KIAA1549: variants seen among roughly 807,000 people sequenced by gnomAD.
KIAA1549 encodes the protein UPF0606 protein KIAA1549.
KIAA1549 carries 70 observed loss-of-function variants against 156.4 expected under a neutral mutation model. The observed-to-expected ratio is 0.45, with a 90% CI of 0.37 to 0.55. KIAA1549 has a LOEUF of 0.55. Among genes scored for constraint, KIAA1549 ranks in the 20% least tolerant of loss-of-function variants. The probability of loss-of-function intolerance (pLI) is 0.00; values close to 1 mark genes in which losing one functional copy is unlikely to be tolerated. For synonymous variants in KIAA1549, 1,103 were observed against 1,066.4 expected, an observed-to-expected ratio of 1.03 and a Z score of -0.67; for missense variants, 2,428 against 2,540.9, an observed-to-expected ratio of 0.96 and a Z score of 0.96.
At chr7:138,934,484 G>C (rs1301454124) in intron 1 of KIAA1549, among the ~76,000 whole-genome samples, 2 of 151,564 alleles carry the variant, frequency 1.3e-5, no homozygotes, top group Non-Finnish European at 2.9e-5. Context: ...AGTACACCAA[G>C]AGAGCGGAGA....
intron 1 of KIAA1549, among the ~76,000 whole-genome samples, chr7:138,967,142 A>G (rs1786697135): frequency 6.6e-6 from 1 of 152,254 alleles, no homozygotes; most frequent in African/African-American, 2.4e-5. Flanking sequence ...GTGCCTGCAC[A>G]GAGCAGGCAA....
intron 18 of KIAA1549, among the ~76,000 whole-genome samples, chr7:138,840,652 A>G (rs1809888871): frequency 6.6e-6 from 1 of 151,988 alleles, no homozygotes; most frequent in Admixed American, 6.5e-5. Context: ...CGCCCTCCCC[A>G]TTTCCACCCA....
Position 138,981,242 on chromosome 7 carries a change from C to CTCGGCG in KIAA1549, c.22_27dup (p.Arg8_Arg9dup). 1 of 985,524 alleles carries CTCGGCG rather than the reference C, an allele frequency of 1.0e-6. No individual in the cohort carries two copies. The highest frequency in any genetic ancestry group is 1.2e-6 in the Non-Finnish European group (1 of 831,440). The allele number at this position is 985,524 out of a possible 1,614,324, so 61.0% of individuals were successfully genotyped here. ...CGGGGCTTCCCCTCCATGGCCGCGC[C>CTCGGCG]TCGGCGTCGGCGCCGCGCCCCCGGC... On this transcript the variant is annotated inframe_insertion, in exon 1 of 20. Transcript: ENST00000422774. This position sits in a 1 kb window ranked among gnomAD's most constrained non-coding sequence, Gnocchi z 4.5.
chr7:138,940,166 C>T (rs574084125), intron 1 of KIAA1549, among the ~76,000 whole-genome samples: 1 of 151,846 alleles, frequency 6.6e-6, no homozygotes, highest in South Asian at 2.1e-4. Flanking sequence ...CCTCCCCGCT[C>T]CCCCCACCCC....
chr7:138,968,605 T>TG (rs1814113825), intron 1 of KIAA1549, among the ~76,000 whole-genome samples: 1 of 151,498 alleles, frequency 6.6e-6, no homozygotes, highest in African/African-American at 2.4e-5. Flanking sequence ...CCCAGCACTT[T>TG]GGGAGGCCGA....
At chr7:138,861,101 T>A (rs762265584) in intron 16 of KIAA1549, 38 bp downstream of exon 16, 2 of 1,603,068 alleles carry the variant, frequency 1.2e-6, no homozygotes, top group African/African-American at 1.3e-5. Flanking sequence ...AGCTTCAACA[T>A]CTTGCCCATC....
intron 4 of KIAA1549, among the ~76,000 whole-genome samples, chr7:138,909,598 C>T (rs746547571): frequency 8.5e-5 from 13 of 152,152 alleles, no homozygotes; most frequent in Non-Finnish European, 1.8e-4. Flanking sequence ...ACTCTCTCTA[C>T]TTTTGTAAAT....
intron 1 of KIAA1549, among the ~76,000 whole-genome samples, chr7:138,944,121 A>T (rs1398153038): frequency 6.6e-6 from 1 of 151,252 alleles, no homozygotes; most frequent in Non-Finnish European, 1.5e-5. Flanking sequence ...ATTACCATAT[A>T]CTGTTATTAA....
Position 138,918,163 on chromosome 7 carries a change from C to T in KIAA1549, c.1463G>A (p.Arg488Lys). 2 of 1,613,856 alleles carry T rather than the reference C, an allele frequency of 1.2e-6. No homozygotes were observed. Among genetic ancestry groups the T allele is most frequent in the Non-Finnish European group, 1.7e-6 (2 of 1,179,822 alleles). Residue 488 changes from arginine to lysine, a missense_variant, in exon 2 of 20, where the codon AGA (arginine) becomes AAA (lysine). This residue lies in a region of KIAA1549 where 893 missense variants were observed against 847.9 expected (regional missense o/e 1.05). Coordinates refer to ENST00000422774, the MANE Select transcript of KIAA1549 (RefSeq NM_001164665.2). The surrounding 1 kb of genome is among the most constrained non-coding windows in gnomAD (Gnocchi z 4.2). The part of the protein sequence containing the change: ...PQVFNTLFPS[R>K]PIVPLSSRSM... The stretch of plus-strand genomic sequence containing the variant: ...TCTAGAAGAAAGTGGGACGATAGGT[C>T]TGGAGGGGAAAAGCGTATTAAATAC...
chr7:138,962,894 C>T (rs1187433721), intron 1 of KIAA1549, among the ~76,000 whole-genome samples: 2 of 152,210 alleles, frequency 1.3e-5, no homozygotes, highest in Non-Finnish European at 2.9e-5. Context: ...AAACATCCCC[C>T]ACAGTTCTGC....
chr7:138,929,100 T>G (rs1049369823), intron 1 of KIAA1549, among the ~76,000 whole-genome samples: 1 of 152,226 alleles, frequency 6.6e-6, no homozygotes, highest in African/African-American at 2.4e-5. Context: ...CAATGAAGTT[T>G]GCCTCATCAA....
At chr7:138,960,412 G>A (rs896564625) in intron 1 of KIAA1549, among the ~76,000 whole-genome samples, 2 of 150,968 alleles carry the variant, frequency 1.3e-5, no homozygotes, top group Non-Finnish European at 2.9e-5. Context: ...CGGTTCAAGC[G>A]ATTCTCCTGC....
At position 138,834,137 on chromosome 7, in the gene KIAA1549, C is replaced by G. The variant is rs954928646; in HGVS notation, c.*3769G>C. 4.7e-6 allele frequency: 1 copy of G among 212,748 alleles called. No individual in the cohort carries two copies. Among genetic ancestry groups the G allele is most frequent in the South Asian group, 1.9e-4 (1 of 5,354 alleles). The allele number at this position is 212,748 out of a possible 1,614,324, so 13.2% of individuals were successfully genotyped here. On this transcript the variant is annotated 3_prime_UTR_variant, in exon 20 of 20. Coordinates refer to ENST00000422774, the MANE Select transcript of KIAA1549 (RefSeq NM_001164665.2). ...CCAAACATGCAACTTCTTCTGGGTG[C>G]CTAATTCATTTATGTCTTTTGAACA...
intron 1 of KIAA1549, among the ~76,000 whole-genome samples, chr7:138,976,489 TGA>T (rs1814383373): frequency 6.6e-6 from 1 of 152,218 alleles, no homozygotes; most frequent in South Asian, 2.1e-4. Flanking sequence ...GAAGATATTT[TGA>T]GATATTCTGA....
chr7:138,972,791 C>T (rs1053615701), intron 1 of KIAA1549, among the ~76,000 whole-genome samples: 2 of 152,092 alleles, frequency 1.3e-5, no homozygotes, highest in African/African-American at 4.8e-5. Flanking sequence ...CTTCCTTCTA[C>T]TTCCTTAAAT....
rs767468047 is a variant in KIAA1549 at position 138,871,201 on chromosome 7, A to C, written c.4507T>G (p.Ser1503Ala). 6.2e-7 allele frequency: 1 copy of C among 1,613,178 alleles called. No homozygotes were observed. Among genetic ancestry groups the C allele is most frequent in the South Asian group, 1.1e-5 (1 of 91,076 alleles). ...CTTTCCGCCACTCGGTCGGCTGGGG[A>C]GGGGCGCTGGACGGGAGGTGCCGGG... is the stretch of plus-strand genomic sequence containing the variant. ...PIPAPPVQRP[S>A]PADRVAESNK... Residue 1503 changes from serine (S) to alanine (A), a missense_variant, in exon 13 of 20, where the codon TCC becomes GCC. Ser to Ala is a moderately conservative substitution (Grantham distance 99). Around this residue, in one of 5 missense-constraint regions of KIAA1549, gnomAD observed 404 missense variants for 417.0 expected, o/e 0.97. Coordinates refer to ENST00000422774, the MANE Select transcript of KIAA1549 (RefSeq NM_001164665.2).
At chr7:138,970,220 G>C (rs1169226781) in intron 1 of KIAA1549, among the ~76,000 whole-genome samples, 2 of 152,150 alleles carry the variant, frequency 1.3e-5, no homozygotes, top group Non-Finnish European at 2.9e-5. Context: ...GGTTGCTTCT[G>C]CCTCCATCTC....
In KIAA1549 at chr7:138,903,837, GT is replaced by G. The variant is rs1314781319; in HGVS notation, c.3521-102del. Reference sequence around the variant, plus strand: ...TGTGTGTGTGTGTGTGTGTGTGTGTGTGTGTGTGTGTGTGTGCGCGCGCGCG... The same window carrying G: ...TGTGTGTGTGTGTGTGTGTGTGTGTGGTGTGTGTGTGTGTGCGCGCGCGCG... On this transcript the variant is annotated intron_variant, in intron 7 of 19. Transcript: ENST00000422774. 9.0e-6 allele frequency: 5 copies of G among 555,244 alleles called. No homozygotes were observed. The East Asian group carries it at 1.4e-4, about 16-fold the overall frequency. 34.4% of individuals were successfully genotyped at this position (555,244 alleles called of 1,614,324 possible).
At chr7:138,899,324 T>C (rs1008700055) in intron 8 of KIAA1549, among the ~76,000 whole-genome samples, 192 bp from the exon 9 acceptor site, 3 of 152,092 alleles carry the variant, frequency 2.0e-5, no homozygotes, top group South Asian at 2.1e-4. Flanking sequence ...GGGAGTTCCT[T>C]TGTGTGGAGT....
Sources: allele counts gnomAD v4.1 joint callset (sites outside exome capture counted in the v4.1 genomes callset), GRCh38; gene constraint gnomAD v4.1.1; regional missense constraint gnomAD v4.1.1; non-coding constraint Gnocchi (gnomAD v3.1); transcripts MANE v1.5; gene names NCBI Gene and HGNC (gene_info 2026-07-23, HGNC 2026-07-21).